Variants in SYNDIG1L observed in about 807,000 individuals in gnomAD.
SYNDIG1L encodes the protein synapse differentiation-inducing gene protein 1-like.
A neutral mutation model predicts 20.1 loss-of-function variants in SYNDIG1L; 13 were observed. The ratio of observed to expected loss-of-function variants is 0.65; its 90% CI spans 0.42 to 1.03. SYNDIG1L has a LOEUF of 1.03. Ranked by LOEUF, SYNDIG1L falls within the 50% of genes least tolerant of loss-of-function variation. The probability of loss-of-function intolerance (pLI) is 0.00; values close to 1 mark genes in which losing one functional copy is unlikely to be tolerated. For missense variants in SYNDIG1L, 294 were observed against 305.1 expected, an observed-to-expected ratio of 0.96 and a Z score of 0.27; for synonymous variants, 128 against 129.3, an observed-to-expected ratio of 0.99 and a Z score of 0.07.
chr14:74,452,853 G>T, the SYNDIG1L span, among the ~76,000 whole-genome samples: 1 of 152,112 alleles, frequency 6.6e-6, no homozygotes, highest in Non-Finnish European at 1.5e-5. Flanking sequence ...ATTGATAGAT[G>T]GGTGAATAAA....
chr14:74,476,700 T>C, the SYNDIG1L span: 4 of 773,536 alleles, frequency 5.2e-6, no homozygotes, highest in Non-Finnish European at 8.3e-6. Context: ...GAGCCACCTA[T>C]GCAGGCCATC....
chr14:74,445,479 T>C, the SYNDIG1L span, among the ~76,000 whole-genome samples: 1 of 152,002 alleles, frequency 6.6e-6, no homozygotes, highest in Admixed American at 6.6e-5. Flanking sequence ...TGTGTGTGTG[T>C]GTGTGTGTGT....
At chr14:74,425,279 T>C (rs1035374132) in intron 1 of SYNDIG1L, among the ~76,000 whole-genome samples, 2 of 152,216 alleles carry the variant, frequency 1.3e-5, no homozygotes, top group African/African-American at 4.8e-5. Flanking sequence ...TTTGCCCTCA[T>C]GCGCCAAGAG....
intron 1 of SYNDIG1L, among the ~76,000 whole-genome samples, chr14:74,413,625 G>T (rs1403520133): frequency 1.3e-5 from 2 of 151,108 alleles, no homozygotes; most frequent in African/African-American, 2.4e-5. Flanking sequence ...CAATGAGCAT[G>T]TACTACTTTT....
chr14:74,409,061 T>TTTAC (rs2086108591), intron 2 of SYNDIG1L, among the ~76,000 whole-genome samples: 1 of 148,054 alleles, frequency 6.8e-6, no homozygotes, highest in African/African-American at 2.5e-5. Context: ...TATTTATTTA[T>TTTAC]TTATTTATTT....
chr14:74,439,935 A>G, the SYNDIG1L span, among the ~76,000 whole-genome samples: 1 of 152,084 alleles, frequency 6.6e-6, no homozygotes, highest in East Asian at 1.9e-4. Context: ...GGAGAAGTCA[A>G]TGGTATAAGG....
upstream of SYNDIG1L, among the ~76,000 whole-genome samples, chr14:74,428,919 C>T (rs190652749): frequency 5.9e-5 from 9 of 152,246 alleles, no homozygotes; most frequent in Admixed American, 2.6e-4. Flanking sequence ...ACTGGGGGCT[C>T]CTGCTGCTGG....
chr14:74,476,835 T>C, the SYNDIG1L span, among the ~76,000 whole-genome samples: 1 of 152,132 alleles, frequency 6.6e-6, no homozygotes, highest in African/African-American at 2.4e-5. Context: ...CCAGACCATT[T>C]AGTTGCTAGT....
chr14:74,475,538 C>CTG, the SYNDIG1L span, among the ~76,000 whole-genome samples: 1 of 151,794 alleles, frequency 6.6e-6, no homozygotes, highest in African/African-American at 2.4e-5. Context: ...CTCAACTGTC[C>CTG]TGTGGAGCAG....
chr14:74,423,725 A>G (rs185383802), intron 1 of SYNDIG1L, among the ~76,000 whole-genome samples: 4 of 152,252 alleles, frequency 2.6e-5, no homozygotes. Flanking sequence ...CGTAACACAA[A>G]TATAAATTCT....
the SYNDIG1L span, among the ~76,000 whole-genome samples, chr14:74,442,861 T>C: frequency 2.0e-5 from 3 of 152,188 alleles, no homozygotes; most frequent in Non-Finnish European, 4.4e-5. Flanking sequence ...GAATGATGCC[T>C]GGGTTTCTGA....
chr14:74,426,254 G>C (rs1206396062), upstream of SYNDIG1L, among the ~76,000 whole-genome samples: 1 of 151,896 alleles, frequency 6.6e-6, no homozygotes, highest in Non-Finnish European at 1.5e-5. Flanking sequence ...GCCTCCCGCC[G>C]CCGCCGCCTC....
In SYNDIG1L at chr14:74,414,686, GAGA is replaced by G. The variant is rs1400721224; in HGVS notation, c.-57-4888_-57-4886del. 5.3e-5 allele frequency among the ~76,000 whole-genome samples: 8 copies of G among 152,266 alleles called. No individual in the cohort carries two copies. The East Asian group carries it at 1.2e-3, about 22-fold the overall frequency. ...CAATATGACTCTAGGATTTTATTGG[GAGA>G]AGAAGAATAACTTACACTTACTGAG... On this transcript the variant is annotated intron_variant, in intron 1 of 3. Coordinates refer to ENST00000331628, the MANE Select transcript of SYNDIG1L (RefSeq NM_001105579.2).
the SYNDIG1L span, among the ~76,000 whole-genome samples, chr14:74,477,109 C>G: frequency 7.5e-6 from 1 of 133,444 alleles, no homozygotes; most frequent in Non-Finnish European, 1.6e-5. Context: ...TCCCCCCAGC[C>G]CCATTCCCAA....
At chr14:74,427,908 G>T (rs200453730), upstream of SYNDIG1L, among the ~76,000 whole-genome samples, 1 of 152,322 alleles carries the variant, frequency 6.6e-6, no homozygotes, top group South Asian at 2.1e-4. Flanking sequence ...TCCCTCTGCT[G>T]CTCCCCTCCC....
At chr14:74,420,895 G>A (rs8003971) in intron 1 of SYNDIG1L, among the ~76,000 whole-genome samples, 78,955 of 151,928 alleles carry the variant, frequency 0.52, 20,724 homozygotes, top group African/African-American at 0.6. Flanking sequence ...TCAGAAGAGA[G>A]GCCTACTGTG....
the SYNDIG1L span, among the ~76,000 whole-genome samples, chr14:74,465,101 C>T: frequency 2.0e-5 from 3 of 152,170 alleles, no homozygotes; most frequent in African/African-American, 7.2e-5. Flanking sequence ...GAGGCATGGC[C>T]GACCCTGGCC....
the SYNDIG1L span, among the ~76,000 whole-genome samples, chr14:74,463,733 A>T: frequency 6.6e-6 from 1 of 152,296 alleles, no homozygotes. Context: ...AATATGACCG[A>T]CTGTTCTGTC....
chr14:74,478,593 CA>C, the SYNDIG1L span, among the ~76,000 whole-genome samples: 1 of 152,096 alleles, frequency 6.6e-6, no homozygotes, highest in African/African-American at 2.4e-5. Context: ...CTGTTAACTT[CA>C]AAGGAGCTAA....
Sources: allele counts gnomAD v4.1 joint callset (sites outside exome capture counted in the v4.1 genomes callset), GRCh38; gene constraint gnomAD v4.1.1; transcripts MANE v1.5; gene names NCBI Gene and HGNC (gene_info 2026-07-23, HGNC 2026-07-21).